The following DPEP2 variants were observed in gnomAD, a reference collection of about 807,000 sequenced individuals.
DPEP2 encodes dipeptidase 2.
Under a neutral mutation model 51.8 loss-of-function variants are expected in DPEP2, and 45 were observed. The observed-to-expected ratio is 0.87, with a 90% CI of 0.68 to 1.11. The LOEUF (loss-of-function observed/expected upper bound fraction) is 1.11, where lower values mean the gene tolerates loss of function less well. Among genes scored for constraint, DPEP2 ranks in the 50% most tolerant of loss-of-function variants. The pLI, the probability that DPEP2 is intolerant of heterozygous loss-of-function variation, is 0.00. For synonymous variants in DPEP2, 255 were observed against 262.7 expected (o/e 0.97, Z 0.28); for missense variants, 604 against 631.9 (o/e 0.96, Z 0.47).
intron 8 of DPEP2, 95 bp downstream of exon 8, chr16:67,989,951 AT>A (rs143309241): frequency 3.0e-6 from 4 of 1,339,162 alleles, no homozygotes; most frequent in South Asian, 1.3e-5. Flanking sequence ...CCATCACTGC[AT>A]TTTTTTCAGT....
Position 67,990,923 on chromosome 16 carries a change from C to T in DPEP2, c.807G>A (p.Arg269=), listed in dbSNP as rs746019193. The T allele has an allele frequency of 7.4e-6, 12 of 1,614,120 alleles. No individual in the cohort carries two copies. Among genetic ancestry groups the T allele is most frequent in the Non-Finnish European group, 9.3e-6 (11 of 1,180,056 alleles). ...CAGGTGCCTGTGACACTTCCAGGGCCCGCCGTGCCACAGCATCTGAGACAT... is the reference window on the plus strand; with the variant it reads ...CAGGTGCCTGTGACACTTCCAGGGCTCGCCGTGCCACAGCATCTGAGACAT... The part of the protein sequence containing the change: ...LSHVSDAVAR[R]ALEVSQAPVI... Residue 269 remains arginine (R), a synonymous_variant, in exon 7 of 11, where the codon CGG becomes CGA. Coordinates refer to ENST00000393847, the MANE Select transcript of DPEP2 (RefSeq NM_022355.4).
intron 8 of DPEP2, among the ~76,000 whole-genome samples, 170 bp downstream of exon 8, chr16:67,989,877 C>G (rs973314577): frequency 2.0e-5 from 3 of 152,194 alleles, no homozygotes; most frequent in African/African-American, 7.2e-5. Flanking sequence ...TCCCTTATAC[C>G]CATCAGGACC....
At chr16:67,993,413 G>A in intron 1 of DPEP2, 156 bp from the exon 2 acceptor site, 1 of 1,266,286 alleles carries the variant, frequency 7.9e-7, no homozygotes, top group Non-Finnish European at 9.9e-7. Flanking sequence ...CGGCCACCAG[G>A]GGGCGCCCAG....
At chr16:67,996,692 A>AT (rs896036368) in intron 1 of DPEP2, among the ~76,000 whole-genome samples, 12 of 150,338 alleles carry the variant, frequency 8.0e-5, no homozygotes, top group South Asian at 2.1e-4. Flanking sequence ...AACTTTTTGC[A>AT]TTTTTTTTTA....
chr16:67,999,597 G>A, upstream of DPEP2: 1 of 689,658 alleles, frequency 1.4e-6, no homozygotes, highest in Non-Finnish European at 1.8e-6. Flanking sequence ...GAGTGTTCAT[G>A]TGAGCCCACG....
rs1395459494 is a variant in DPEP2 at position 67,991,662 on chromosome 16, G to GC, written c.662+175dup. 2 of 983,496 alleles carry GC rather than the reference G, an allele frequency of 2.0e-6. No individual in the cohort carries two copies. The highest frequency in any genetic ancestry group is 2.9e-6 in the Non-Finnish European group (2 of 691,762). The allele number at this position is 983,496 out of a possible 1,614,324, so 60.9% of individuals were successfully genotyped here. ...CAAAGTTTTGGGATTACAGGCATGAGCCACCGCGTCTGGCCAGGGGTCAAG... is the reference window on the plus strand; with the variant it reads ...CAAAGTTTTGGGATTACAGGCATGAGCCCACCGCGTCTGGCCAGGGGTCAAG... On this transcript the variant is annotated intron_variant, in intron 5 of 10. Transcript: ENST00000393847. This position sits in a 1 kb window ranked among gnomAD's most constrained non-coding sequence, Gnocchi z 5.1.
chr16:67,994,077 A>T (rs2032512634), intron 1 of DPEP2: 1 of 985,430 alleles, frequency 1.0e-6, no homozygotes, highest in South Asian at 4.7e-5. Flanking sequence ...CATTCACTCA[A>T]CAGAGCAGGA....
At chr16:67,992,472 G>T (rs1160064197) in intron 3 of DPEP2, 38 bp downstream of exon 3, 1 of 1,584,572 alleles carries the variant, frequency 6.3e-7, no homozygotes, top group Non-Finnish European at 8.6e-7. Flanking sequence ...TCATCCCCCA[G>T]CAGCCATGCT....
chr16:67,998,530 TCC>T (rs1442728686), intron 1 of DPEP2, among the ~76,000 whole-genome samples: 1 of 152,142 alleles, frequency 6.6e-6, no homozygotes, highest in Non-Finnish European at 1.5e-5. Context: ...GGCCGGAGCC[TCC>T]CCGGTGAGCG....
intron 3 of DPEP2, 68 bp from the exon 4 acceptor site, chr16:67,992,261 TC>T: frequency 6.4e-7 from 1 of 1,569,266 alleles, no homozygotes; most frequent in South Asian, 1.2e-5. Context: ...GCTCACAGCC[TC>T]CACAGCTGAC....
At position 67,992,985 on chromosome 16, in the gene DPEP2, T is replaced by A; in HGVS notation, c.228A>T (p.Ala76=). Residue 76 remains alanine, a synonymous_variant, in exon 2 of 11, where the codon GCA becomes GCT. Coordinates refer to ENST00000393847, the MANE Select transcript of DPEP2 (RefSeq NM_022355.4). ...SPSTQGLQEQ[A]RALMRDFPLV... is the part of the protein sequence containing the mutation. ...GCGGGAAGTCCCGCATCAGGGCCCG[T>A]GCCTGCTCTTGCAGGCCCTGGGTGC... The A allele has an allele frequency of 6.2e-7, 1 of 1,610,630 alleles. No individual in the cohort carries two copies. Among genetic ancestry groups the A allele is most frequent in the Non-Finnish European group, 8.5e-7 (1 of 1,178,550 alleles).
chr16:67,991,633 C>T lies in DPEP2; in HGVS notation c.662+205G>A. The T allele has an allele frequency of 2.8e-6, 2 of 716,526 alleles. No individual in the cohort carries two copies. Among genetic ancestry groups the T allele is most frequent in the South Asian group, 2.1e-5 (1 of 46,624 alleles). The allele number at this position is 716,526 out of a possible 1,614,324, so 44.4% of individuals were successfully genotyped here. ...CCTTAAGTTATCTGTCCGCCTCAGC[C>T]TCCCAAAGTTTTGGGATTACAGGCA... On this transcript the variant is annotated intron_variant, in intron 5 of 10. Transcript: ENST00000393847. This position sits in a 1 kb window ranked among gnomAD's most constrained non-coding sequence, Gnocchi z 5.1.
chr16:67,996,692 AT>A (rs896036368), intron 1 of DPEP2, among the ~76,000 whole-genome samples: 2 of 150,338 alleles, frequency 1.3e-5, no homozygotes, highest in Middle Eastern at 3.4e-3. Flanking sequence ...AACTTTTTGC[AT>A]TTTTTTTTAA....
intron 1 of DPEP2, among the ~76,000 whole-genome samples, chr16:67,998,947 A>G (rs983908871): frequency 2.0e-5 from 3 of 152,108 alleles, no homozygotes; most frequent in Non-Finnish European, 4.4e-5. Context: ...AAACGCACCA[A>G]TCAGCACCCT....
At position 67,990,126 on chromosome 16, in the gene DPEP2, C is replaced by G. The variant is rs1429266635; in HGVS notation, c.915G>C (p.Lys305Asn). Residue 305 changes from lysine to asparagine, a missense_variant, in exon 8 of 11, where the codon AAG becomes AAC. Lys to Asn is a moderately conservative substitution (Grantham distance 94). Transcript: ENST00000393847. ...AAGACACCATCACGACGCCACCGTT[C>G]TTCTTCTGCAGGGGCGGGCAAGTGG... ...VPDDILQLLKKNGGVVMVSLS... is the reference protein window; with the variant it reads ...VPDDILQLLKNNGGVVMVSLS... 6.2e-7 allele frequency: 1 copy of G among 1,613,928 alleles called. No homozygotes were observed.
At chr16:67,995,705 C>G (rs756803145) in intron 1 of DPEP2, among the ~76,000 whole-genome samples, 1 of 152,100 alleles carries the variant, frequency 6.6e-6, no homozygotes, top group Non-Finnish European at 1.5e-5. Context: ...GACTCACACC[C>G]GTGATCCCAG....
intron 7 of DPEP2, among the ~76,000 whole-genome samples, chr16:67,990,365 G>A (rs2031976411): frequency 1.3e-5 from 2 of 152,172 alleles, no homozygotes; most frequent in Admixed American, 6.5e-5. Context: ...TAGAACCCCC[G>A]ACTCCTGGAT....
At position 67,993,226 on chromosome 16, in the gene DPEP2, G is replaced by C. The variant is rs763870489; in HGVS notation, c.-14C>G. 3 of 1,427,174 alleles carry C rather than the reference G, an allele frequency of 2.1e-6. No homozygotes were observed. Among genetic ancestry groups the C allele is most frequent in the South Asian group, 3.0e-5 (2 of 66,036 alleles). The allele number at this position is 1,427,174 out of a possible 1,614,324, so 88.4% of individuals were successfully genotyped here. A position where few individuals can be genotyped will look rare whatever the true frequency, so the allele number is the denominator to read the frequency against. ...GGAGGGCTGCATGTTGTGCAGGGCC[G>C]GGCAGGCAGGCAGGGGTGGCAGTCA... On this transcript the variant is annotated 5_prime_UTR_variant, in exon 2 of 11. Transcript: ENST00000393847.
chr16:67,991,218 G>C lies in DPEP2; in HGVS notation c.663-34C>G, dbSNP rs999223565. The C allele has an allele frequency of 6.8e-6, 11 of 1,609,166 alleles. No homozygotes were observed. The highest frequency in any genetic ancestry group is 9.3e-6 in the Non-Finnish European group (11 of 1,177,882). ...TGGCCAGGAAGCAGTCTGACTGGTA[G>C]CTGTTCCTCGGCCTCAAGAGTCTAG... is the stretch of plus-strand genomic sequence containing the variant. On this transcript the variant is annotated intron_variant, in intron 5 of 10. Coordinates refer to ENST00000393847, the MANE Select transcript of DPEP2 (RefSeq NM_022355.4). This position sits in a 1 kb window ranked among gnomAD's most constrained non-coding sequence, Gnocchi z 5.1.
Sources: gnomAD v4.1 joint callset for allele counts (sites outside exome capture counted in the v4.1 genomes callset) on GRCh38, gnomAD v4.1.1 for gene constraint, Gnocchi (gnomAD v3.1) non-coding constraint, MANE v1.5 for transcripts, NCBI Gene and HGNC (gene_info 2026-07-23, HGNC 2026-07-21) for gene names.